The following IL21R variants were observed in gnomAD, a reference collection of about 807,000 sequenced individuals.
The protein encoded by IL21R is interleukin 21 receptor, also known as interleukin-21 receptor.
In IL21R, 14 loss-of-function variants were observed where a neutral mutation model predicts 41.3. That is an observed-to-expected ratio of 0.34 (90% CI 0.22 to 0.53). The LOEUF is 0.53. Ranked by LOEUF, IL21R falls within the 20% of genes least tolerant of loss-of-function variation. The probability of loss-of-function intolerance (pLI) is 0.94; values close to 1 mark genes in which losing one functional copy is unlikely to be tolerated. For missense variants in IL21R, 588 were observed against 681.6 expected (o/e 0.86, Z 1.53); for synonymous variants, 286 against 287.6 (o/e 0.99, Z 0.05).
At chr16:27,406,461 A>G in intron 1 of IL21R, among the ~76,000 whole-genome samples, 1 of 152,120 alleles carries the variant, frequency 6.6e-6, no homozygotes, top group Non-Finnish European at 1.5e-5. Flanking sequence ...GAGAGGTTGC[A>G]CAGGCTGGAA....
In IL21R at chr16:27,402,638, T is replaced by C. The variant is rs1278265195; in HGVS notation, c.-17+20T>C. The C allele has an allele frequency of 1.3e-5, 2 of 154,310 alleles. No homozygotes were observed. The highest frequency in any genetic ancestry group is 4.8e-5 in the African/African-American group (2 of 41,456). 9.6% of individuals were successfully genotyped at this position (154,310 alleles called of 1,614,324 possible). ...CAGAAGGTAATTCCAGCCCTGGTTTTCTGCTGGGACCAGGGTGCCTTCTCT... is the reference window on the plus strand; with the variant it reads ...CAGAAGGTAATTCCAGCCCTGGTTTCCTGCTGGGACCAGGGTGCCTTCTCT... On this transcript the variant is annotated intron_variant, in intron 1 of 8. Coordinates refer to ENST00000337929, the MANE Select transcript of IL21R (RefSeq NM_181078.3).
At chr16:27,420,588 G>T (rs1279654556) in intron 1 of IL21R, among the ~76,000 whole-genome samples, 1 of 152,136 alleles carries the variant, frequency 6.6e-6, no homozygotes, top group African/African-American at 2.4e-5. Flanking sequence ...TCATGTGTTT[G>T]TTGTTTGGAT....
intron 3 of IL21R, among the ~76,000 whole-genome samples, chr16:27,435,629 G>GT (rs1412582301): frequency 6.6e-6 from 1 of 151,364 alleles, no homozygotes; most frequent in Admixed American, 6.6e-5. Context: ...AATTTTTGTA[G>GT]TTTTTGTAAA....
Position 27,434,331 on chromosome 16 carries a change from C to A in IL21R, c.50-16C>A, listed in dbSNP as rs369236227. 2 of 1,571,294 alleles carry A rather than the reference C, an allele frequency of 1.3e-6. No individual in the cohort carries two copies. Among genetic ancestry groups the A allele is most frequent in the Non-Finnish European group, 1.8e-6 (2 of 1,142,100 alleles). The stretch of plus-strand genomic sequence containing the variant: ...GCCACCCCCCACCAAGGCCTCTCTC[C>A]CCACTGACCCTCCAGGCTGGGGCTG... On this transcript the variant is annotated splice_polypyrimidine_tract_variant and intron_variant, in intron 2 of 8. Coordinates refer to ENST00000337929, the MANE Select transcript of IL21R (RefSeq NM_181078.3).
intron 1 of IL21R, among the ~76,000 whole-genome samples, chr16:27,412,163 G>T (rs538171459): frequency 6.6e-6 from 1 of 152,088 alleles, no homozygotes; most frequent in Non-Finnish European, 1.5e-5. Flanking sequence ...ATGGATATTT[G>T]GTTCTTCCAG....
intron 1 of IL21R, among the ~76,000 whole-genome samples, chr16:27,413,494 T>C (rs1301301792): frequency 1.3e-5 from 2 of 152,108 alleles, no homozygotes; most frequent in Non-Finnish European, 2.9e-5. Flanking sequence ...TACTGTTCAA[T>C]TTTTGGAAGT....
At chr16:27,405,695 AC>A in intron 1 of IL21R, among the ~76,000 whole-genome samples, 1 of 145,722 alleles carries the variant, frequency 6.9e-6, no homozygotes, top group African/African-American at 2.5e-5. Context: ...GGAGGAACCC[AC>A]CCCCACCCCT....
rs1241894948 is a variant in IL21R at position 27,449,435 on chromosome 16, CAT to C, written c.*155_*156del. On this transcript the variant is annotated 3_prime_UTR_variant, in exon 9 of 9. Transcript: ENST00000337929. The stretch of plus-strand genomic sequence containing the variant: ...TTTACAGTGTCTGTGTGTGTGTGTG[CAT>C]ATGTGTGTGTGTGCATATGCATGTG... The C allele has an allele frequency of 1.4e-6, 1 of 721,592 alleles. No homozygotes were observed. Among genetic ancestry groups the C allele is most frequent in the African/African-American group, 1.8e-5 (1 of 55,236 alleles). 44.7% of individuals were successfully genotyped at this position (721,592 alleles called of 1,614,324 possible). A position where few individuals can be genotyped will look rare whatever the true frequency, so the allele number is the denominator to read the frequency against.
chr16:27,416,374 G>A (rs1247440798), intron 1 of IL21R, among the ~76,000 whole-genome samples: 1 of 152,106 alleles, frequency 6.6e-6, no homozygotes, highest in Non-Finnish European at 1.5e-5. Flanking sequence ...CTGACCTCAG[G>A]TCATCCACCC....
At chr16:27,417,558 T>C (rs1448184980) in intron 1 of IL21R, among the ~76,000 whole-genome samples, 1 of 152,206 alleles carries the variant, frequency 6.6e-6, no homozygotes, top group Non-Finnish European at 1.5e-5. Context: ...TTCTGAGAAA[T>C]GTGTCATTAG....
intron 5 of IL21R, among the ~76,000 whole-genome samples, chr16:27,443,782 CAA>C (rs34976912): frequency 3.7e-4 from 47 of 126,064 alleles, no homozygotes; most frequent in Non-Finnish European, 5.4e-4. Flanking sequence ...GACTCGATCT[CAA>C]AAAAAAAAAA....
At chr16:27,447,315 A>T in intron 8 of IL21R, among the ~76,000 whole-genome samples, 1 of 152,062 alleles carries the variant, frequency 6.6e-6, no homozygotes, top group East Asian at 1.9e-4. Context: ...GGGTGCTATT[A>T]TTAGGTCCAT....
intron 1 of IL21R, among the ~76,000 whole-genome samples, chr16:27,410,133 C>G (rs1002382162): frequency 6.6e-6 from 1 of 152,040 alleles, no homozygotes; most frequent in African/African-American, 2.4e-5. Flanking sequence ...GTCAGGAGTT[C>G]GAGACCAGCC....
chr16:27,427,199 A>C, intron 1 of IL21R: 2 of 718,502 alleles, frequency 2.8e-6, no homozygotes, highest in Non-Finnish European at 3.4e-6. Flanking sequence ...TGATTGGCCA[A>C]GCCTGGGTCA....
At chr16:27,409,413 T>C (rs942101351) in intron 1 of IL21R, among the ~76,000 whole-genome samples, 1 of 151,872 alleles carries the variant, frequency 6.6e-6, no homozygotes, top group South Asian at 2.1e-4. Context: ...GACCAGAACT[T>C]TCTATGTGCT....
chr16:27,445,038 A>G, intron 6 of IL21R, 139 bp from the exon 7 acceptor site: 1 of 652,140 alleles, frequency 1.5e-6, no homozygotes, highest in Non-Finnish European at 2.8e-6. Flanking sequence ...ACCCAGATCC[A>G]TCTCACTTCA....
rs1344796852 is a variant in IL21R at position 27,448,866 on chromosome 16, A to G, written c.1200A>G (p.Pro400=). The G allele has an allele frequency of 2.5e-6, 4 of 1,612,718 alleles. No homozygotes were observed. Among genetic ancestry groups the G allele is most frequent in the African/African-American group, 2.7e-5 (2 of 74,906 alleles). Residue 400 remains proline (P), a synonymous_variant, in exon 9 of 9, where the codon CCA becomes CCG. Transcript: ENST00000337929. ...GCAGCTGTGAGGATGACGGCTACCC[A>G]GCCCTGGACCTGGATGCTGGCCTGG... ...WPCSCEDDGY[P]ALDLDAGLEP...
intron 3 of IL21R, among the ~76,000 whole-genome samples, chr16:27,435,430 C>G (rs2087251597): frequency 6.6e-6 from 1 of 150,920 alleles, no homozygotes; most frequent in Non-Finnish European, 1.5e-5. Context: ...AAGGTGCTTT[C>G]TCTTTTTTAT....
At chr16:27,405,976 A>G (rs9938190) in intron 1 of IL21R, among the ~76,000 whole-genome samples, 15,710 of 152,288 alleles carry the variant, frequency 0.1, 1,394 homozygotes, top group African/African-American at 0.24. Context: ...AGTTGGGGCA[A>G]GTGCACCAGC....
Sources: allele counts gnomAD v4.1 joint callset (sites outside exome capture counted in the v4.1 genomes callset), GRCh38; gene constraint gnomAD v4.1.1; transcripts MANE v1.5; gene names NCBI Gene and HGNC (gene_info 2026-07-23, HGNC 2026-07-21).